Variants in EFCAB11 observed in about 807,000 individuals in gnomAD.
EFCAB11 encodes EF-hand calcium-binding domain-containing protein 11.
Under a neutral mutation model 23.0 loss-of-function variants are expected in EFCAB11, and 14 were observed. That is an observed-to-expected ratio of 0.61 (90% CI 0.40 to 0.95). The LOEUF (loss-of-function observed/expected upper bound fraction) is 0.95. Among genes scored for constraint, EFCAB11 ranks in the 40% least tolerant of loss-of-function variants. The pLI, the probability that EFCAB11 is intolerant of heterozygous loss-of-function variation, is 0.00. For synonymous variants in EFCAB11, 65 were observed against 66.6 expected, an observed-to-expected ratio of 0.98 and a Z score of 0.11; for missense variants, 198 against 195.8, an observed-to-expected ratio of 1.01 and a Z score of -0.07.
intron 5 of EFCAB11, among the ~76,000 whole-genome samples, chr14:89,884,974 A>G (rs985782303): frequency 6.6e-6 from 1 of 152,194 alleles, no homozygotes; most frequent in Non-Finnish European, 1.5e-5. Flanking sequence ...GAACCAGACC[A>G]TGCTGGCATC....
At chr14:89,885,118 G>A (rs78967571) in intron 5 of EFCAB11, among the ~76,000 whole-genome samples, 2,757 of 152,206 alleles carry the variant, frequency 0.018, 100 homozygotes, top group African/African-American at 0.062. Context: ...TGTAAGACCA[G>A]CATATAAAAA....
At chr14:89,917,518 A>G (rs1889888709) in intron 5 of EFCAB11, among the ~76,000 whole-genome samples, 1 of 152,188 alleles carries the variant, frequency 6.6e-6, no homozygotes, top group African/African-American at 2.4e-5. Flanking sequence ...ATGGGTTTCC[A>G]TATCTCGGCT....
chr14:89,856,335 C>T (rs1177368024), intron 5 of EFCAB11, among the ~76,000 whole-genome samples: 4 of 151,976 alleles, frequency 2.6e-5, no homozygotes, highest in South Asian at 2.1e-4. Flanking sequence ...ACTACAGGCG[C>T]GTGCCACCAC....
intron 5 of EFCAB11, among the ~76,000 whole-genome samples, chr14:89,839,876 G>T (rs1461601110): frequency 6.6e-6 from 1 of 151,918 alleles, no homozygotes; most frequent in African/African-American, 2.4e-5. Context: ...GTACCAAGGG[G>T]GGATGGTGCT....
At chr14:89,865,399 T>C (rs1265477444) in intron 5 of EFCAB11, among the ~76,000 whole-genome samples, 1 of 152,112 alleles carries the variant, frequency 6.6e-6, no homozygotes, top group Non-Finnish European at 1.5e-5. Context: ...CAGGTGTTGA[T>C]TTAGAGACTG....
At position 89,913,781 on chromosome 14, in the gene EFCAB11, A is replaced by T. The variant is rs538036750; in HGVS notation, c.410+17760T>A. On this transcript the variant is annotated intron_variant, in intron 5 of 5. Coordinates refer to ENST00000316738, the MANE Select transcript of EFCAB11 (RefSeq NM_145231.4). ...ACTATCAGAGTTTTTCAAAGTTAAA[A>T]TTTTTTTTACAGTCTTATAACTTTG... Among the ~76,000 whole-genome samples the T allele has an allele frequency of 9.9e-5, 15 of 152,148 alleles. No homozygotes were observed. The East Asian group carries it at 1.9e-3, about 20-fold the overall frequency.
At chr14:89,877,030 G>A (rs757288166) in intron 5 of EFCAB11, among the ~76,000 whole-genome samples, 43 of 151,698 alleles carry the variant, frequency 2.8e-4, no homozygotes, top group Non-Finnish European at 4.3e-4. Context: ...TACTCCCAGA[G>A]TAGATGACCA....
chr14:89,873,040 CTAGTAT>C (rs766087728), intron 5 of EFCAB11, among the ~76,000 whole-genome samples: 4 of 152,130 alleles, frequency 2.6e-5, no homozygotes, highest in Non-Finnish European at 5.9e-5. Context: ...TGTTCTCACA[CTAGTAT>C]TAGTATTAGT....
chr14:89,870,453 T>C (rs1888230265), intron 5 of EFCAB11, among the ~76,000 whole-genome samples: 1 of 152,168 alleles, frequency 6.6e-6, no homozygotes, highest in Admixed American at 6.5e-5. Flanking sequence ...ATCCAACAGA[T>C]GTTATATGAC....
At chr14:89,892,965 G>A (rs879909047) in intron 5 of EFCAB11, among the ~76,000 whole-genome samples, 19 of 152,176 alleles carry the variant, frequency 1.2e-4, no homozygotes, top group Non-Finnish European at 2.5e-4. Flanking sequence ...TCCTGTCCTT[G>A]AGCCTCAGTG....
intron 5 of EFCAB11, among the ~76,000 whole-genome samples, chr14:89,891,706 C>T (rs1356446307): frequency 1.3e-5 from 2 of 152,074 alleles, no homozygotes; most frequent in East Asian, 1.9e-4. Flanking sequence ...CACACACGCA[C>T]GCGCACACGC....
intron 5 of EFCAB11, among the ~76,000 whole-genome samples, chr14:89,826,986 C>T (rs1886711644): frequency 6.6e-6 from 1 of 152,102 alleles, no homozygotes; most frequent in Non-Finnish European, 1.5e-5. Context: ...CACCTGGGAC[C>T]ACTTCTGGTA....
At chr14:89,812,846 T>A (rs1377697245) in intron 5 of EFCAB11, among the ~76,000 whole-genome samples, 2 of 152,204 alleles carry the variant, frequency 1.3e-5, no homozygotes, top group African/African-American at 4.8e-5. Context: ...AGGAAAATTT[T>A]CTTAGTACAA....
Position 89,797,245 on chromosome 14 carries a change from A to T in EFCAB11, c.490T>A (p.Ter164LysextTer3). 1 of 1,613,180 alleles carries T rather than the reference A, an allele frequency of 6.2e-7. No individual in the cohort carries two copies. Among genetic ancestry groups the T allele is most frequent in the South Asian group, 1.1e-5 (1 of 91,060 alleles). The change falls in exon 6 of 6, where the codon TAA (stop) becomes AAA (lysine). Residue 164 changes from the stop codon to lysine (K), a stop_lost. Transcript: ENST00000316738. Reference protein sequence around the residue: ...YALNYGQKEA* With the variant: ...YALNYGQKEAK ...TTACCAAAAGTAGTTCACAATAGTT[A>T]GGCTTCCTTCTGTCCATAGTTCAGG... is the stretch of plus-strand genomic sequence containing the variant.
chr14:89,839,595 T>C (rs544815200), intron 5 of EFCAB11, among the ~76,000 whole-genome samples: 2 of 152,140 alleles, frequency 1.3e-5, no homozygotes, highest in Non-Finnish European at 2.9e-5. Context: ...AGGCAGCTTG[T>C]ATTAGTCAAT....
chr14:89,847,576 C>G (rs1887469457), intron 5 of EFCAB11, among the ~76,000 whole-genome samples: 1 of 151,920 alleles, frequency 6.6e-6, no homozygotes. Flanking sequence ...CCCATCTCTA[C>G]TAAAAATACA....
At chr14:89,914,703 TGAATCTGG>T (rs1248046211) in intron 5 of EFCAB11, among the ~76,000 whole-genome samples, 3 of 151,882 alleles carry the variant, frequency 2.0e-5, no homozygotes, top group African/African-American at 7.3e-5. Flanking sequence ...GAGAATCGCT[TGAATCTGG>T]GAGGTGGAGG....
intron 3 of EFCAB11, among the ~76,000 whole-genome samples, chr14:89,948,197 A>G (rs2139842879): frequency 6.6e-6 from 1 of 152,370 alleles, no homozygotes; most frequent in East Asian, 1.9e-4. Context: ...AAGAACCTCA[A>G]AAGAACACAT....
At chr14:89,841,557 C>T (rs1202950853) in intron 5 of EFCAB11, among the ~76,000 whole-genome samples, 2 of 152,094 alleles carry the variant, frequency 1.3e-5, no homozygotes, top group African/African-American at 4.8e-5. Context: ...ACTACCTCCT[C>T]GTTACTAAGT....
Sources: allele counts gnomAD v4.1 joint callset (sites outside exome capture counted in the v4.1 genomes callset), GRCh38; gene constraint gnomAD v4.1.1; transcripts MANE v1.5; gene names NCBI Gene and HGNC (gene_info 2026-07-23, HGNC 2026-07-21).